Variants in ZPLD1 observed in about 807,000 individuals in gnomAD.
The protein encoded by ZPLD1 is zona pellucida-like domain-containing protein 1.
In ZPLD1, 34 loss-of-function variants were observed where a neutral mutation model predicts 47.2. That is an observed-to-expected ratio of 0.72 (90% CI 0.55 to 0.96). ZPLD1 has a LOEUF of 0.96. Among genes scored for constraint, ZPLD1 ranks in the 40% least tolerant of loss-of-function variants. The pLI is 0.00. For missense variants in ZPLD1, 512 were observed against 505.8 expected (o/e 1.01, Z -0.12); for synonymous variants, 176 against 186.2 (o/e 0.95, Z 0.45).
chr3:102,454,323 T>A (rs931932447), intron 4 of ZPLD1, among the ~76,000 whole-genome samples: 5 of 152,152 alleles, frequency 3.3e-5, no homozygotes, highest in Non-Finnish European at 7.4e-5. Context: ...GAAGTGGACC[T>A]AAGGGAGAGT....
intron 7 of ZPLD1, among the ~76,000 whole-genome samples, chr3:102,400,947 T>C (rs924382242): frequency 6.6e-6 from 1 of 152,092 alleles, no homozygotes; most frequent in Admixed American, 6.6e-5. Context: ...GTGGAATATT[T>C]TCATTCCACA....
At chr3:102,465,162 T>C (rs1423147443) in intron 8 of ZPLD1, among the ~76,000 whole-genome samples, 1 of 152,210 alleles carries the variant, frequency 6.6e-6, no homozygotes, top group Non-Finnish European at 1.5e-5. Context: ...ATTCTAGCTT[T>C]ACAAATTGGG....
chr3:102,471,800 T>A (rs1228443153), intron 10 of ZPLD1, among the ~76,000 whole-genome samples: 1 of 152,258 alleles, frequency 6.6e-6, no homozygotes, highest in Admixed American at 6.5e-5. Context: ...AACAAGTTTA[T>A]AAAGTTTTAA....
intron 7 of ZPLD1, among the ~76,000 whole-genome samples, chr3:102,403,822 A>G (rs1286274752): frequency 6.6e-6 from 1 of 151,980 alleles, no homozygotes; most frequent in Non-Finnish European, 1.5e-5. Flanking sequence ...GTTCTACTCT[A>G]CTTAGATTTC....
upstream of ZPLD1, among the ~76,000 whole-genome samples, chr3:102,434,588 A>G (rs993011975): frequency 6.6e-6 from 1 of 152,160 alleles, no homozygotes; most frequent in African/African-American, 2.4e-5. Flanking sequence ...ATTCCCATCA[A>G]TTTAAACTTA....
intron 7 of ZPLD1, among the ~76,000 whole-genome samples, chr3:102,412,154 G>T (rs1354594260): frequency 6.6e-6 from 1 of 151,710 alleles, no homozygotes; most frequent in East Asian, 1.9e-4. Flanking sequence ...AGGGCAATCT[G>T]CTTCACTCAA....
At position 102,426,149 on chromosome 3, in the gene ZPLD1, C is replaced by A. The variant is rs185349934; in HGVS notation, c.-9+7942C>A. Among the ~76,000 whole-genome samples, 183 of 151,866 alleles carry A rather than the reference C, an allele frequency of 1.2e-3. 1 individual carries two copies. In the East Asian group the frequency reaches 0.033, roughly 27 times the overall value. ...ACACACATGCACACACACACACACA[C>A]ACACACACATGCACACACACACACG... On this transcript the variant is annotated intron_variant, in intron 8 of 17. Transcript: ENST00000491959.
upstream of ZPLD1, among the ~76,000 whole-genome samples, chr3:102,431,093 C>A (rs1413257099): frequency 6.6e-6 from 1 of 152,106 alleles, no homozygotes; most frequent in Non-Finnish European, 1.5e-5. Context: ...TCAGATTGTA[C>A]AATAAATGTT....
chr3:102,432,243 G>C (rs1315214356), upstream of ZPLD1, among the ~76,000 whole-genome samples: 1 of 152,148 alleles, frequency 6.6e-6, no homozygotes, highest in African/African-American at 2.4e-5. Context: ...AGAAGCACTG[G>C]GTATGAGGCC....
chr3:102,423,725 C>T (rs919957577), intron 8 of ZPLD1, among the ~76,000 whole-genome samples: 1 of 152,054 alleles, frequency 6.6e-6, no homozygotes, highest in Non-Finnish European at 1.5e-5. Context: ...AGGTGAGTCT[C>T]CCTCAAGAAG....
chr3:102,418,252 G>A (rs901323477), intron 8 of ZPLD1: 2 of 152,290 alleles, frequency 1.3e-5, no homozygotes, highest in Non-Finnish European at 2.9e-5. Flanking sequence ...TAAAAATGCT[G>A]CCTTTTTACT....
chr3:102,460,143 G>T (rs1344312674), intron 6 of ZPLD1, among the ~76,000 whole-genome samples: 1 of 151,994 alleles, frequency 6.6e-6, no homozygotes, highest in Non-Finnish European at 1.5e-5. Context: ...CTAGCCAGAT[G>T]TAATTTTATT....
chr3:102,477,694 A>C lies in ZPLD1; in HGVS notation c.*76A>C. 7.5e-7 allele frequency: 1 copy of C among 1,327,452 alleles called. No individual in the cohort carries two copies. The highest frequency in any genetic ancestry group is 1.5e-5 in the South Asian group (1 of 65,468). 82.2% of individuals were successfully genotyped at this position (1,327,452 alleles called of 1,614,324 possible). On this transcript the variant is annotated 3_prime_UTR_variant, in exon 12 of 12. Transcript: ENST00000466937. ...GTGACTGCAGTCAGTGTTCCGTCTG[A>C]ATTTCATGTCAGTCCACATTCAATA... is the stretch of plus-strand genomic sequence containing the variant.
At chr3:102,404,925 T>C (rs1474256561) in intron 7 of ZPLD1, among the ~76,000 whole-genome samples, 1 of 151,970 alleles carries the variant, frequency 6.6e-6, no homozygotes, top group Non-Finnish European at 1.5e-5. Context: ...TGTAATATTC[T>C]CAGAGACATT....
chr3:102,387,498 A>G (rs1234491365), intron 6 of ZPLD1, among the ~76,000 whole-genome samples: 2 of 152,146 alleles, frequency 1.3e-5, no homozygotes, highest in Non-Finnish European at 2.9e-5. Context: ...GTCAGAGACC[A>G]CTACACTCAA....
At chr3:102,427,780 T>C (rs1179958357) in intron 8 of ZPLD1, among the ~76,000 whole-genome samples, 1 of 152,198 alleles carries the variant, frequency 6.6e-6, no homozygotes. Context: ...AAATGACATG[T>C]TACATGAAAT....
At position 102,477,700 on chromosome 3, in the gene ZPLD1, A is replaced by G. The variant is rs968061882; in HGVS notation, c.*82A>G. On this transcript the variant is annotated 3_prime_UTR_variant, in exon 12 of 12. Coordinates refer to ENST00000466937, the MANE Select transcript of ZPLD1 (RefSeq NM_001329788.2). ...GCAGTCAGTGTTCCGTCTGAATTTC[A>G]TGTCAGTCCACATTCAATATTTGTA... is the stretch of plus-strand genomic sequence containing the variant. 1.4e-5 allele frequency: 18 copies of G among 1,259,712 alleles called. No individual in the cohort carries two copies. Among genetic ancestry groups the G allele is most frequent in the Non-Finnish European group, 1.7e-5 (16 of 917,186 alleles). 78.0% of individuals were successfully genotyped at this position (1,259,712 alleles called of 1,614,324 possible). A position where few individuals can be genotyped will look rare whatever the true frequency, so the allele number is the denominator to read the frequency against.
chr3:102,399,901 C>T (rs556258477), intron 7 of ZPLD1, among the ~76,000 whole-genome samples: 2 of 151,412 alleles, frequency 1.3e-5, no homozygotes, highest in Non-Finnish European at 2.9e-5. Context: ...TCACTGCAAC[C>T]TTTACATCCC....
intron 7 of ZPLD1, among the ~76,000 whole-genome samples, chr3:102,414,144 T>C (rs1252421219): frequency 6.6e-6 from 1 of 151,736 alleles, no homozygotes; most frequent in African/African-American, 2.4e-5. Context: ...GTCCTTGAAG[T>C]TTGTTTCCTG....
Sources: gnomAD v4.1 joint callset for allele counts (sites outside exome capture counted in the v4.1 genomes callset) on GRCh38, gnomAD v4.1.1 for gene constraint, MANE v1.5 for transcripts, NCBI Gene and HGNC (gene_info 2026-07-23, HGNC 2026-07-21) for gene names.